The following FAT2 variants were observed in gnomAD, a reference collection of about 807,000 sequenced individuals.
The protein encoded by FAT2 is protocadherin Fat 2.
FAT2 carries 150 observed loss-of-function variants against 295.3 expected under a neutral mutation model. The ratio of observed to expected loss-of-function variants is 0.51; its 90% confidence interval spans 0.44 to 0.58. The LOEUF (loss-of-function observed/expected upper bound fraction) is 0.58. Ranked by LOEUF, FAT2 falls within the 20% of genes least tolerant of loss-of-function variation. The pLI, the probability that FAT2 is intolerant of heterozygous loss-of-function variation, is 0.00. For missense variants in FAT2, 4,868 were observed against 5,442.7 expected, an observed-to-expected ratio of 0.89 and a Z score of 3.32; for synonymous variants, 2,026 against 2,150.3, an observed-to-expected ratio of 0.94 and a Z score of 1.60.
intron 3 of FAT2, among the ~76,000 whole-genome samples, chr5:151,562,529 G>A (rs1273672390): frequency 2.6e-5 from 4 of 152,162 alleles, no homozygotes; most frequent in African/African-American, 4.8e-5. Context: ...GACCTGCAGG[G>A]ATCAGAGCTT....
upstream of FAT2, among the ~76,000 whole-genome samples, chr5:151,594,464 A>G (rs1274403308): frequency 1.3e-5 from 2 of 150,658 alleles, no homozygotes; most frequent in Non-Finnish European, 2.9e-5. Flanking sequence ...AGGCATCAGT[A>G]TTCATAACTG....
chr5:151,522,032 C>T lies in FAT2; in HGVS notation c.10561G>A (p.Val3521Ile). The change falls in exon 19 of 24, where the codon GTC becomes ATC. Residue 3521 changes from valine (V) to isoleucine (I), a missense_variant. Physicochemically the swap from Val to Ile is conservative, Grantham distance 29. Coordinates refer to ENST00000261800, the MANE Select transcript of FAT2 (RefSeq NM_001447.3). ...LSSLTSVRVHVTEQSHYAPSA... is the reference protein window; with the variant it reads ...LSSLTSVRVHITEQSHYAPSA... ...GGTGCATAGTGGCTCTGCTCTGTGA[C>T]ATGGACACGGACAGACGTCAAAGAC... 6.2e-7 allele frequency: 1 copy of T among 1,611,992 alleles called. No individual in the cohort carries two copies. Among genetic ancestry groups the T allele is most frequent in the Admixed American group, 1.7e-5 (1 of 59,960 alleles).
chr5:151,579,398 CCCATCTCTACAAAACATTTAAAAAT>C (rs1320332247), intron 1 of FAT2, among the ~76,000 whole-genome samples: 1 of 152,052 alleles, frequency 6.6e-6, no homozygotes, highest in African/African-American at 2.4e-5. Flanking sequence ...ATATCGAGAT[CCCATCTCTACAAAACATTTAAAAAT>C]TAGCCAGGTG....
In FAT2 at chr5:151,505,602, T is replaced by C. The variant is rs762383267; in HGVS notation, c.13013A>G (p.Glu4338Gly). ...PPNYEGSDMV[E>G]SDYGSCEEVM... is the part of the protein sequence containing the mutation. The stretch of plus-strand genomic sequence containing the variant: ...CTCCTCACAGCTGCCATAATCACTC[T>C]CCACCATGTCAGAGCCCTCATAGTT... The change falls in exon 24 of 24, where the codon GAG (glutamate) becomes GGG (glycine). Residue 4338 changes from glutamate to glycine, a missense_variant. Physicochemically the swap from Glu to Gly is moderately conservative, Grantham distance 98. Around this residue, in one of 5 missense-constraint regions of FAT2, gnomAD observed 492 missense variants for 482.6 expected, o/e 1.02. Coordinates refer to ENST00000261800, the MANE Select transcript of FAT2 (RefSeq NM_001447.3). 12 of 1,614,118 alleles carry C rather than the reference T, an allele frequency of 7.4e-6. No individual in the cohort carries two copies. The South Asian group carries it at 1.3e-4, about 18-fold the overall frequency.
chr5:151,560,638 G>T (rs6860376), intron 3 of FAT2, among the ~76,000 whole-genome samples: 6,651 of 152,186 alleles, frequency 0.044, 342 homozygotes, highest in African/African-American at 0.13. Context: ...TCTACACATA[G>T]TTTACGATGT....
rs35409791 is a variant in FAT2 at position 151,568,143 on chromosome 5, T to C, written c.789A>G (p.Pro263=). ...AGGTGGTACCATCATTGCTGTCTGGTGGAGTCACCACCACCGAAGCAATGG... is the reference window on the plus strand; with the variant it reads ...AGGTGGTACCATCATTGCTGTCTGGCGGAGTCACCACCACCGAAGCAATGG... ...PPAIASVVVT[P]PDSNDGTTYA... is the part of the protein sequence containing the mutation. Residue 263 remains proline (P), a synonymous_variant, in exon 2 of 24, where the codon CCA becomes CCG. Coordinates refer to ENST00000261800, the MANE Select transcript of FAT2 (RefSeq NM_001447.3). 2,136 of 1,614,144 alleles carry C rather than the reference T, an allele frequency of 1.3e-3. 28 individuals are homozygous for C. The African/African-American group carries it at 0.026, about 20-fold the overall frequency.
chr5:151,582,928 G>A (rs561222846), intron 1 of FAT2, among the ~76,000 whole-genome samples: 7 of 152,220 alleles, frequency 4.6e-5, no homozygotes, highest in African/African-American at 1.7e-4. Flanking sequence ...AAGAGCAGAC[G>A]GGAGAGGGAA....
chr5:151,562,316 G>A (rs1233188996), intron 3 of FAT2, among the ~76,000 whole-genome samples: 2 of 152,150 alleles, frequency 1.3e-5, no homozygotes, highest in Non-Finnish European at 2.9e-5. Flanking sequence ...TGTTGGAGAC[G>A]GAAAACAGGA....
intron 18 of FAT2, among the ~76,000 whole-genome samples, chr5:151,523,006 C>T (rs914710455): frequency 5.3e-5 from 8 of 152,150 alleles, no homozygotes; most frequent in Non-Finnish European, 2.9e-5. Context: ...AACTTCCTGC[C>T]TGACTTAGAA....
intron 15 of FAT2, 52 bp from the exon 16 acceptor site, chr5:151,528,185 G>A (rs1754221246): frequency 6.3e-7 from 1 of 1,599,398 alleles, no homozygotes; most frequent in East Asian, 2.2e-5. Context: ...CTTGACCCCT[G>A]GGAGTACAGG....
chr5:151,512,306 C>G lies in FAT2; in HGVS notation c.11764G>C (p.Ala3922Pro). 6.2e-7 allele frequency: 1 copy of G among 1,614,214 alleles called. No homozygotes were observed. The highest frequency in any genetic ancestry group is 8.5e-7 in the Non-Finnish European group (1 of 1,180,040). ...CLDAVVVNEEALDLLAPGKTV... is the reference protein window; with the variant it reads ...CLDAVVVNEEPLDLLAPGKTV... The stretch of plus-strand genomic sequence containing the variant: ...TTGCCAGGGGCCAGCAGATCTAGAG[C>G]CTCTTCGTTGACCACGACAGCATCC... Residue 3922 changes from alanine (A) to proline (P), a missense_variant, in exon 21 of 24, where the codon GCT becomes CCT. Ala to Pro is a conservative substitution (Grantham distance 27, BLOSUM62 -1). Transcript: ENST00000261800. The surrounding 1 kb of genome is among the most constrained non-coding windows in gnomAD (Gnocchi z 4.1).
rs1754670058 is a variant in FAT2, at chr5:151,531,959, G to A, written c.9439C>T (p.Gln3147Ter). ...GAATCCGGCAGAGAGTAAACCACCT[G>A]GGCATTGGCGCCTGGCAGGGAGACC... is the stretch of plus-strand genomic sequence containing the variant. ...ARDPDQGANA[Q>*]VVYSLPDSAE... The change falls in exon 14 of 24, where the codon CAG (glutamine) becomes TAG (stop). Residue 3147 changes from glutamine to a stop codon, truncating the protein, a stop_gained. Transcript: ENST00000261800. LOFTEE classifies it high-confidence loss of function. The surrounding 1 kb of genome is among the most constrained non-coding windows in gnomAD (Gnocchi z 5.7). The A allele has an allele frequency of 1.2e-6, 2 of 1,614,172 alleles. No homozygotes were observed. The highest frequency in any genetic ancestry group is 1.7e-6 in the Non-Finnish European group (2 of 1,180,020).
intron 1 of FAT2, among the ~76,000 whole-genome samples, chr5:151,580,194 C>T (rs1026312372): frequency 6.6e-5 from 10 of 152,238 alleles, no homozygotes; most frequent in Admixed American, 6.5e-5. Context: ...GCTCCACTGT[C>T]AACCTGGGGG....
chr5:151,540,895 A>G, intron 10 of FAT2, 132 bp from the exon 11 acceptor site: 1 of 781,080 alleles, frequency 1.3e-6, no homozygotes, highest in Admixed American at 2.9e-5. Context: ...CTTAACTAGG[A>G]ACCCACGATT....
chr5:151,525,453 A>T (rs1753886165), intron 18 of FAT2, among the ~76,000 whole-genome samples: 1 of 152,168 alleles, frequency 6.6e-6, no homozygotes, highest in Non-Finnish European at 1.5e-5. Flanking sequence ...CAGAGCAGGG[A>T]TTAAGAATTT....
intron 12 of FAT2, among the ~76,000 whole-genome samples, chr5:151,536,603 G>C (rs1356001034): frequency 6.6e-6 from 1 of 152,126 alleles, no homozygotes; most frequent in Non-Finnish European, 1.5e-5. Context: ...GCCTCTCCTG[G>C]CTACTCCTGG....
rs1757115575 is a variant in FAT2, at chr5:151,550,678, A to C, written c.4490T>G (p.Phe1497Cys). 1.9e-6 allele frequency: 3 copies of C among 1,614,176 alleles called. No homozygotes were observed. Among genetic ancestry groups the C allele is most frequent in the Non-Finnish European group, 2.5e-6 (3 of 1,180,026 alleles). Residue 1497 changes from phenylalanine (F) to cysteine (C), a missense_variant, in exon 8 of 24, where the codon TTC (phenylalanine) becomes TGC (cysteine). This residue lies in a region of FAT2 where 3,297 missense variants were observed against 3,669.4 expected (regional missense o/e 0.90). Transcript: ENST00000261800. ...GACACCACTGCTTGGGTCCAGCTGG[A>C]AGAGGCTGGCACTTCCTGGGTCTTG... ...GSQDPGSASL[F>C]QLDPSSGVLV...
rs1317039404 is a variant in FAT2, at chr5:151,545,570, G to A, written c.5557C>T (p.Pro1853Ser). The A allele has an allele frequency of 6.2e-7, 1 of 1,614,110 alleles. No individual in the cohort carries two copies. The highest frequency in any genetic ancestry group is 1.1e-5 in the South Asian group (1 of 91,072). The change falls in exon 10 of 24, where the codon CCC (proline) becomes TCC (serine). Residue 1853 changes from proline (P) to serine (S), a missense_variant. Pro to Ser is a moderately conservative substitution (Grantham distance 74). Around this residue, in one of 5 missense-constraint regions of FAT2, gnomAD observed 3,297 missense variants for 3,669.4 expected, o/e 0.90. Coordinates refer to ENST00000261800, the MANE Select transcript of FAT2 (RefSeq NM_001447.3). ...HDQGSPVLFAPRPAQVIIHVR... is the reference protein window; with the variant it reads ...HDQGSPVLFASRPAQVIIHVR... ...TGAATGATGACTTGGGCAGGTCTGG[G>A]TGCAAATAATACAGGGCTTCCTTGG...
In FAT2 at chr5:151,566,424, T is replaced by G; in HGVS notation, c.2508A>C (p.Gly836=). 8.1e-6 allele frequency: 13 copies of G among 1,613,626 alleles called. No homozygotes were observed. The highest frequency in any genetic ancestry group is 1.1e-5 in the Non-Finnish European group (13 of 1,179,728). ...TGGTTGTCAGCTCTGCAATTGTGGT[T>G]CCAACTTCTGTGTCCTCCGAGATGG... ...QLTISEDTEV[G]TTIAELTTKD... The change falls in exon 2 of 24, where the codon GGA becomes GGC. Residue 836 remains glycine (G), a synonymous_variant. Coordinates refer to ENST00000261800, the MANE Select transcript of FAT2 (RefSeq NM_001447.3).
Sources: gnomAD v4.1 joint callset for allele counts (sites outside exome capture counted in the v4.1 genomes callset) on GRCh38, gnomAD v4.1.1 for gene constraint, gnomAD v4.1.1 regional missense constraint, Gnocchi (gnomAD v3.1) non-coding constraint, MANE v1.5 for transcripts, NCBI Gene and HGNC (gene_info 2026-07-23, HGNC 2026-07-21) for gene names.